The following RHOQ variants were observed in gnomAD, a reference collection of about 807,000 sequenced individuals.
The protein encoded by RHOQ is ras homolog family member Q, also known as rho-related GTP-binding protein RhoQ.
A neutral mutation model predicts 25.8 loss-of-function variants in RHOQ; 7 were observed. That is an observed-to-expected ratio of 0.27 (90% CI 0.15 to 0.51). The LOEUF is 0.51. Ranked by LOEUF, RHOQ falls within the 20% of genes least tolerant of loss-of-function variation. The probability of loss-of-function intolerance (pLI) is 0.97; values close to 1 mark genes in which losing one functional copy is unlikely to be tolerated. For synonymous variants in RHOQ, 97 were observed against 98.6 expected (o/e 0.98, Z 0.10); for missense variants, 165 against 260.6 (o/e 0.63, Z 2.53).
intron 2 of RHOQ, among the ~76,000 whole-genome samples, chr2:46,568,008 G>A (rs1668788892): frequency 6.6e-6 from 1 of 152,194 alleles, no homozygotes; most frequent in Non-Finnish European, 1.5e-5. Context: ...GGTCAAGGCT[G>A]TAGCAATCTG....
chr2:46,583,404 T>C lies in RHOQ; in HGVS notation c.*2321T>C, dbSNP rs1177694782. Reference sequence around the variant, plus strand: ...ATTCACAGTAATCATTGTTGGATGTTACCTTTTCAGCTTCACATTCTCAAG... The same window carrying C: ...ATTCACAGTAATCATTGTTGGATGTCACCTTTTCAGCTTCACATTCTCAAG... On this transcript the variant is annotated 3_prime_UTR_variant, in exon 5 of 5. Transcript: ENST00000238738. Among the ~76,000 whole-genome samples the C allele has an allele frequency of 6.6e-6, 1 of 152,172 alleles. No individual in the cohort carries two copies. The highest frequency in any genetic ancestry group is 2.4e-5 in the African/African-American group (1 of 41,450).
rs1044965925 is a variant in RHOQ at position 46,566,629 on chromosome 2, CG to C, written c.202-9453del. Reference sequence around the variant, plus strand: ...AATTTTGTGACTTTTTTGCGGGGGTCGGGGGCTCACCTTTTAATGACTTTCC... The same window carrying C: ...AATTTTGTGACTTTTTTGCGGGGGTCGGGGCTCACCTTTTAATGACTTTCC... On this transcript the variant is annotated intron_variant, in intron 2 of 4. Transcript: ENST00000238738. The surrounding 1 kb of genome is among the most constrained non-coding windows in gnomAD (Gnocchi z 4.2). 2.0e-5 allele frequency among the ~76,000 whole-genome samples: 3 copies of C among 152,044 alleles called. No individual in the cohort carries two copies. Among genetic ancestry groups the C allele is most frequent in the Non-Finnish European group, 4.4e-5 (3 of 68,000 alleles).
At chr2:46,558,601 C>T (rs895529801) in intron 2 of RHOQ, among the ~76,000 whole-genome samples, 8 of 152,166 alleles carry the variant, frequency 5.3e-5, no homozygotes, top group African/African-American at 1.7e-4. Context: ...TGAAATTTCA[C>T]AATCATAGGC....
rs1667847768 is a variant in RHOQ at position 46,542,599 on chromosome 2, G to C, written c.-448G>C. The stretch of plus-strand genomic sequence containing the variant: ...GGGCGCGTGGCGCGGGCCGCGCTCG[G>C]GGAGGCGCCTGGGCCCGCCCTCCTC... On this transcript the variant is annotated 5_prime_UTR_variant, in exon 1 of 5. Coordinates refer to ENST00000238738, the MANE Select transcript of RHOQ (RefSeq NM_012249.4). 6.8e-6 allele frequency: 1 copy of C among 146,708 alleles called. No individual in the cohort carries two copies. The highest frequency in any genetic ancestry group is 2.4e-5 in the African/African-American group (1 of 40,912). 9.1% of individuals were successfully genotyped at this position (146,708 alleles called of 1,614,324 possible). A position where few individuals can be genotyped will look rare whatever the true frequency, so the allele number is the denominator to read the frequency against.
intron 2 of RHOQ, among the ~76,000 whole-genome samples, chr2:46,562,235 T>A (rs1668599622): frequency 6.6e-6 from 1 of 151,982 alleles, no homozygotes; most frequent in Admixed American, 6.6e-5. Context: ...CCAGTGATAG[T>A]TTTCCACCAC....
In RHOQ at chr2:46,576,033, A is replaced by G. The variant is rs1257641853; in HGVS notation, c.202-54A>G. ...GACCATGTAATCTAATGTACATATT[A>G]CTAGTAAACAATAGAAATGTAAATA... On this transcript the variant is annotated intron_variant, in intron 2 of 4. Transcript: ENST00000238738. This position sits in a 1 kb window ranked among gnomAD's most constrained non-coding sequence, Gnocchi z 5.1. 1.4e-5 allele frequency: 20 copies of G among 1,464,870 alleles called. No homozygotes were observed. Among genetic ancestry groups the G allele is most frequent in the Non-Finnish European group, 1.8e-5 (20 of 1,082,968 alleles). The allele number at this position is 1,464,870 out of a possible 1,614,324, so 90.7% of individuals were successfully genotyped here. A position where few individuals can be genotyped will look rare whatever the true frequency, so the allele number is the denominator to read the frequency against.
chr2:46,543,674 G>T (rs1558678628), intron 1 of RHOQ, 80 bp from the exon 2 acceptor site: 1 of 1,289,348 alleles, frequency 7.8e-7, no homozygotes, highest in Non-Finnish European at 1.1e-6. Context: ...GGGAGAGGAG[G>T]GTCCGGGTGG....
intron 2 of RHOQ, among the ~76,000 whole-genome samples, chr2:46,574,918 C>A (rs1669060422): frequency 6.6e-6 from 1 of 152,050 alleles, no homozygotes; most frequent in East Asian, 1.9e-4. Context: ...TGAAACGAGT[C>A]ATTTAAGAGG....
Position 46,560,468 on chromosome 2 carries a change from A to G in RHOQ, c.202-15619A>G, listed in dbSNP as rs560262409. 16 of 416,728 alleles carry G rather than the reference A, an allele frequency of 3.8e-5. No individual in the cohort carries two copies. The East Asian group carries it at 1.1e-3, about 28-fold the overall frequency. 25.8% of individuals were successfully genotyped at this position (416,728 alleles called of 1,614,324 possible). ...GAAGAACAAAGTTATAGTGGTGGAT[A>G]TTCTGTTCAGGGCCAGGCTCCTGAT... On this transcript the variant is annotated intron_variant, in intron 2 of 4. Transcript: ENST00000238738.
intron 2 of RHOQ, among the ~76,000 whole-genome samples, chr2:46,547,117 G>T (rs956494247): frequency 6.6e-6 from 1 of 152,206 alleles, no homozygotes. Flanking sequence ...GCTTCAGTTG[G>T]TTCTACTTTC....
intron 4 of RHOQ, among the ~76,000 whole-genome samples, chr2:46,577,568 T>C (rs1223206959): frequency 1.4e-5 from 2 of 142,350 alleles, no homozygotes; most frequent in Admixed American, 6.9e-5. Flanking sequence ...CCCGGCTATT[T>C]TTTTTTTTTT....
intron 4 of RHOQ, among the ~76,000 whole-genome samples, chr2:46,579,380 A>G (rs916525361): frequency 1.3e-5 from 2 of 152,202 alleles, no homozygotes; most frequent in Non-Finnish European, 2.9e-5. Flanking sequence ...TGCACAGTCT[A>G]CAACCAAAGA....
At position 46,556,287 on chromosome 2, in the gene RHOQ, C is replaced by T. The variant is rs1015459249; in HGVS notation, c.201+12475C>T. Among the ~76,000 whole-genome samples, 8 of 151,920 alleles carry T rather than the reference C, an allele frequency of 5.3e-5. No homozygotes were observed. The highest frequency in any genetic ancestry group is 8.8e-5 in the Non-Finnish European group (6 of 67,992). ...TGATCTTTCTCTTTCCATTTTATTC[C>T]TGCCCCCGCTCTTTTTCAGTTGTTC... On this transcript the variant is annotated intron_variant, in intron 2 of 4. Transcript: ENST00000238738. This position sits in a 1 kb window ranked among gnomAD's most constrained non-coding sequence, Gnocchi z 4.9.
In RHOQ at chr2:46,583,510, C is replaced by A. The variant is rs1669471634; in HGVS notation, c.*2427C>A. ...ATCTGAAGCTGAGGTGCCTTAGGTA[C>A]TCTACTGACCTTGATGGGTTTGGAG... is the stretch of plus-strand genomic sequence containing the variant. On this transcript the variant is annotated 3_prime_UTR_variant, in exon 5 of 5. Transcript: ENST00000238738. Among the ~76,000 whole-genome samples, 1 of 152,130 alleles carries A rather than the reference C, an allele frequency of 6.6e-6. No homozygotes were observed. Among genetic ancestry groups the A allele is most frequent in the South Asian group, 2.1e-4 (1 of 4,830 alleles).
rs149763351 is a variant in RHOQ, at chr2:46,584,128, T to C, written c.*3045T>C. On this transcript the variant is annotated 3_prime_UTR_variant, in exon 5 of 5. Transcript: ENST00000238738. ...TAACTATTTAAAATACCAAATTAAA[T>C]ACCAGTTTGTTGGTTGTTACTTTTA... Among the ~76,000 whole-genome samples the C allele has an allele frequency of 2.0e-3, 298 of 152,320 alleles. 2 individuals are homozygous for C. Among genetic ancestry groups the C allele is most frequent in the African/African-American group, 6.9e-3 (285 of 41,582 alleles).
intron 4 of RHOQ, among the ~76,000 whole-genome samples, chr2:46,577,832 A>G (rs1669190775): frequency 6.6e-6 from 1 of 152,104 alleles, no homozygotes; most frequent in Admixed American, 6.5e-5. Context: ...CACTTCAGAA[A>G]TTCCATGTAT....
In RHOQ at chr2:46,583,765, G is replaced by C. The variant is rs546985414; in HGVS notation, c.*2682G>C. 5.5e-3 allele frequency among the ~76,000 whole-genome samples: 836 copies of C among 152,144 alleles called. 6 individuals are homozygous for C. Among genetic ancestry groups the C allele is most frequent in the African/African-American group, 0.019 (797 of 41,510 alleles). On this transcript the variant is annotated 3_prime_UTR_variant, in exon 5 of 5. Coordinates refer to ENST00000238738, the MANE Select transcript of RHOQ (RefSeq NM_012249.4). ...ACTATTTCAAACTAGTGAAATATCT[G>C]GGAAATAAACTGCTTCAAAAATATT...
In RHOQ at chr2:46,559,044, C is replaced by G. The variant is rs929048462; in HGVS notation, c.201+15232C>G. 3.4e-4 allele frequency among the ~76,000 whole-genome samples: 51 copies of G among 152,210 alleles called. 1 individual carries two copies. The highest frequency in any genetic ancestry group is 1.1e-3 in the African/African-American group (46 of 41,446). On this transcript the variant is annotated intron_variant, in intron 2 of 4. Coordinates refer to ENST00000238738, the MANE Select transcript of RHOQ (RefSeq NM_012249.4). ...TCTAGGCTCACTGCAACCTCCACCT[C>G]CCAGGTTCAAGTGATCCTCCCACCT...
intron 2 of RHOQ, among the ~76,000 whole-genome samples, chr2:46,545,405 A>C (rs566351832): frequency 6.6e-6 from 1 of 151,640 alleles, no homozygotes; most frequent in African/African-American, 2.4e-5. Flanking sequence ...TTTTGACCGC[A>C]CTCCCTGTTC....
Sources: allele counts gnomAD v4.1 joint callset (sites outside exome capture counted in the v4.1 genomes callset), GRCh38; gene constraint gnomAD v4.1.1; non-coding constraint Gnocchi (gnomAD v3.1); transcripts MANE v1.5; gene names NCBI Gene and HGNC (gene_info 2026-07-23, HGNC 2026-07-21).